Variants in BFSP2 observed in about 807,000 individuals in gnomAD.
The protein encoded by BFSP2 is beaded filament structural protein 2, also known as phakinin.
BFSP2 carries 38 observed loss-of-function variants against 44.9 expected under a neutral mutation model. That is an observed-to-expected ratio of 0.85 (90% CI 0.65 to 1.11). The LOEUF is 1.11. Among genes scored for constraint, BFSP2 ranks in the 50% least tolerant of loss-of-function variants. The probability of loss-of-function intolerance (pLI) is 0.00; values close to 1 mark genes in which losing one functional copy is unlikely to be tolerated. For synonymous variants in BFSP2, 197 were observed against 209.9 expected (o/e 0.94, Z 0.53); for missense variants, 525 against 533.0 (o/e 0.99, Z 0.15).
At chr3:133,421,505 C>G (rs959263097) in intron 1 of BFSP2, among the ~76,000 whole-genome samples, 5 of 151,950 alleles carry the variant, frequency 3.3e-5, no homozygotes, top group African/African-American at 1.2e-4. Context: ...AAATTTTCCT[C>G]TTTTCATAAG....
intron 1 of BFSP2, among the ~76,000 whole-genome samples, chr3:133,407,699 C>T (rs991244454): frequency 2.0e-5 from 3 of 152,032 alleles, no homozygotes; most frequent in African/African-American, 7.2e-5. Flanking sequence ...AACCATGGAA[C>T]AGAATAGAAC....
chr3:133,475,139 T>C lies in BFSP2; in HGVS notation c.*167T>C. On this transcript the variant is annotated 3_prime_UTR_variant, in exon 7 of 7. Coordinates refer to ENST00000302334, the MANE Select transcript of BFSP2 (RefSeq NM_003571.4). ...AGTGGAGAGGATCCTTCTGCTTTAA[T>C]CTGAGTAGTCTGTAGCTTGAGCAAT... 1 of 907,204 alleles carries C rather than the reference T, an allele frequency of 1.1e-6. No homozygotes were observed. The highest frequency in any genetic ancestry group is 2.2e-4 in the Middle Eastern group (1 of 4,590). The allele number at this position is 907,204 out of a possible 1,614,324, so 56.2% of individuals were successfully genotyped here. A position where few individuals can be genotyped will look rare whatever the true frequency, so the allele number is the denominator to read the frequency against.
chr3:133,448,017 A>T lies in BFSP2; in HGVS notation c.573-472A>T, dbSNP rs538698521. 8.5e-5 allele frequency among the ~76,000 whole-genome samples: 13 copies of T among 152,348 alleles called. 2 individuals carry two copies. Among genetic ancestry groups the T allele is most frequent in the Admixed American group, 4.6e-4 (7 of 15,308 alleles). On this transcript the variant is annotated intron_variant, in intron 2 of 6. Transcript: ENST00000302334. ...CACCTCCCACTCAGTCCCTGAAGGC[A>T]TCTGGGTTTGCAGCCACTCTCCTGG...
At chr3:133,416,509 C>T (rs1346105546) in intron 1 of BFSP2, among the ~76,000 whole-genome samples, 4 of 148,084 alleles carry the variant, frequency 2.7e-5, no homozygotes, top group African/African-American at 1.0e-4. Context: ...TGTCTGCCCT[C>T]TACTGACCCC....
intron 4 of BFSP2, among the ~76,000 whole-genome samples, chr3:133,463,250 G>A (rs1051426056): frequency 2.6e-5 from 4 of 152,028 alleles, no homozygotes; most frequent in Admixed American, 6.6e-5. Context: ...CAGAGGTTGC[G>A]GTGAGCTGAG....
intron 4 of BFSP2, among the ~76,000 whole-genome samples, chr3:133,451,574 T>C (rs1234347709): frequency 6.6e-6 from 1 of 152,188 alleles, no homozygotes; most frequent in African/African-American, 2.4e-5. Flanking sequence ...GGACTGCAGT[T>C]TGCCACTTCC....
At chr3:133,412,736 G>C (rs2073468310) in intron 1 of BFSP2, among the ~76,000 whole-genome samples, 1 of 152,228 alleles carries the variant, frequency 6.6e-6, no homozygotes, top group Non-Finnish European at 1.5e-5. Flanking sequence ...GGCATACCTC[G>C]ACACACAGCG....
At chr3:133,430,911 T>C (rs2073709748) in intron 1 of BFSP2, among the ~76,000 whole-genome samples, 5 of 152,288 alleles carry the variant, frequency 3.3e-5, no homozygotes, top group Admixed American at 2.6e-4. Flanking sequence ...GTCCGGCTTA[T>C]GGTTTCATTC....
intron 4 of BFSP2, among the ~76,000 whole-genome samples, chr3:133,460,366 C>G (rs928608727): frequency 6.6e-6 from 1 of 152,216 alleles, no homozygotes; most frequent in Non-Finnish European, 1.5e-5. Context: ...AATCCACACT[C>G]TTAACTGTTA....
intron 6 of BFSP2, among the ~76,000 whole-genome samples, chr3:133,472,961 T>G (rs1274012181): frequency 6.6e-6 from 1 of 151,928 alleles, no homozygotes; most frequent in Non-Finnish European, 1.5e-5. Flanking sequence ...CTTTTTTTTT[T>G]TTTTGGATAC....
chr3:133,455,035 T>A (rs572980495), intron 4 of BFSP2, among the ~76,000 whole-genome samples: 20 of 152,380 alleles, frequency 1.3e-4, no homozygotes, highest in African/African-American at 4.8e-4. Flanking sequence ...CAGTGACATG[T>A]GTGGAGCTTT....
At chr3:133,458,629 A>T (rs1410138748) in intron 4 of BFSP2, among the ~76,000 whole-genome samples, 1 of 152,192 alleles carries the variant, frequency 6.6e-6, no homozygotes, top group Non-Finnish European at 1.5e-5. Context: ...CAGGAGGTGG[A>T]GGATTGCAGT....
At chr3:133,413,778 C>T (rs1035323389) in intron 1 of BFSP2, among the ~76,000 whole-genome samples, 1 of 151,934 alleles carries the variant, frequency 6.6e-6, no homozygotes, top group African/African-American at 2.4e-5. Context: ...ATCTCCACCA[C>T]CAAACTGACC....
rs902886925 is a variant in BFSP2, at chr3:133,466,847, A to G, written c.911A>G (p.His304Arg). The change falls in exon 5 of 7, where the codon CAC (histidine) becomes CGC (arginine). Residue 304 changes from histidine (H) to arginine (R), a missense_variant. By Grantham distance (29) the His-to-Arg change is conservative. Coordinates refer to ENST00000302334, the MANE Select transcript of BFSP2 (RefSeq NM_003571.4). ...LQAKQQAEVA[H>R]MSQTQEEKLA... ...CCACAGCAACAGGCGGAGGTGGCCCACATGTCCCAGACCCAGGAGGAGAAG... is the reference window on the plus strand; with the variant it reads ...CCACAGCAACAGGCGGAGGTGGCCCGCATGTCCCAGACCCAGGAGGAGAAG... 21 of 1,613,710 alleles carry G rather than the reference A, an allele frequency of 1.3e-5. No homozygotes were observed. In the Admixed American group the frequency reaches 2.2e-4, roughly 17 times the overall value.
At chr3:133,410,012 G>A (rs1161282317) in intron 1 of BFSP2, 10 of 174,784 alleles carry the variant, frequency 5.7e-5, no homozygotes, top group Non-Finnish European at 1.3e-5. Flanking sequence ...GCGGGATCAG[G>A]AAATTCAACA....
chr3:133,433,080 G>A (rs1467803860), intron 1 of BFSP2, among the ~76,000 whole-genome samples: 1 of 152,148 alleles, frequency 6.6e-6, no homozygotes, highest in East Asian at 1.9e-4. Flanking sequence ...ACCTTCAGCT[G>A]TACTCACTCT....
intron 3 of BFSP2, among the ~76,000 whole-genome samples, chr3:133,449,949 AAGAGAG>A (rs144332642): frequency 0.098 from 12,741 of 129,772 alleles, 1,265 homozygotes; most frequent in African/African-American, 0.17. Flanking sequence ...GAAAGAGAGA[AAGAGAG>A]AGAGAAAGAG....
At chr3:133,465,153 G>A (rs1396552787) in intron 4 of BFSP2, among the ~76,000 whole-genome samples, 1 of 151,826 alleles carries the variant, frequency 6.6e-6, no homozygotes, top group African/African-American at 2.4e-5. Flanking sequence ...ACAGGCTCAC[G>A]CTACCATCAC....
intron 1 of BFSP2, among the ~76,000 whole-genome samples, chr3:133,416,717 T>A: frequency 1.2e-5 from 1 of 85,202 alleles, no homozygotes; most frequent in African/African-American, 4.7e-5. Flanking sequence ...CCCCATCCTC[T>A]CCCCTCTACT....
Sources: allele counts gnomAD v4.1 joint callset (sites outside exome capture counted in the v4.1 genomes callset), GRCh38; gene constraint gnomAD v4.1.1; transcripts MANE v1.5; gene names NCBI Gene and HGNC (gene_info 2026-07-23, HGNC 2026-07-21).